Variants in GLO1 observed in about 807,000 individuals in gnomAD.
The protein encoded by GLO1 is lactoylglutathione lyase.
A neutral mutation model predicts 26.0 loss-of-function variants in GLO1; 28 were observed. The ratio of observed to expected loss-of-function variants is 1.08; its 90% confidence interval spans 0.80 to 1.48. GLO1 has a LOEUF of 1.48. Among genes scored for constraint, GLO1 ranks in the 40% most tolerant of loss-of-function variants. GLO1 has a pLI of 0.00. For missense variants in GLO1, 225 were observed against 224.8 expected, an observed-to-expected ratio of 1.00 and a Z score of -0.01; for synonymous variants, 78 against 77.6, an observed-to-expected ratio of 1.00 and a Z score of -0.03.
At position 38,677,194 on chromosome 6, in the gene GLO1, C is replaced by A; in HGVS notation, c.*101G>T. 1 of 733,652 alleles carries A rather than the reference C, an allele frequency of 1.4e-6. No individual in the cohort carries two copies. The highest frequency in any genetic ancestry group is 1.5e-5 in the South Asian group (1 of 66,100). The allele number at this position is 733,652 out of a possible 1,614,324, so 45.4% of individuals were successfully genotyped here. On this transcript the variant is annotated 3_prime_UTR_variant, in exon 6 of 6. Transcript: ENST00000373365. The stretch of plus-strand genomic sequence containing the variant: ...AAATGGACTGAAGAATAATTTGAAT[C>A]GGGACAGTGATCCATCAGTCCTAGA...
intron 1 of GLO1, among the ~76,000 whole-genome samples, chr6:38,695,961 G>A (rs533703151): frequency 1.3e-5 from 2 of 152,118 alleles, no homozygotes; most frequent in Non-Finnish European, 2.9e-5. Context: ...GTTGTTCCTA[G>A]GGTCTCAAGG....
chr6:38,684,626 G>GT (rs1761436646), intron 2 of GLO1, 112 bp from the exon 3 acceptor site: 1 of 548,960 alleles, frequency 1.8e-6, no homozygotes, highest in African/African-American at 1.9e-5. Flanking sequence ...GCTATATGTA[G>GT]TAAGCCTATT....
At chr6:38,692,176 A>C (rs1354640658) in intron 1 of GLO1, among the ~76,000 whole-genome samples, 1 of 152,178 alleles carries the variant, frequency 6.6e-6, no homozygotes, top group Non-Finnish European at 1.5e-5. Flanking sequence ...CCAATCATGA[A>C]CACAATAAAT....
chr6:38,678,502 G>A (rs1761312099), intron 5 of GLO1, among the ~76,000 whole-genome samples: 2 of 152,194 alleles, frequency 1.3e-5, no homozygotes, highest in Admixed American at 6.5e-5. Context: ...CCGGGTGACT[G>A]TTTTAACTTG....
In GLO1 at chr6:38,677,339, A is replaced by G; in HGVS notation, c.511T>C (p.Trp171Arg). The change falls in exon 6 of 6, where the codon TGG becomes CGG. Residue 171 changes from tryptophan (W) to arginine (R), a missense_variant. Transcript: ENST00000373365. ...LAFIQDPDGY[W>R]IEILNPNKMA... is the part of the protein sequence containing the mutation. ...TTGTTAGGATTCAAAATTTCAATCC[A>G]GTAGCCATCAGGATCTTGAATAAAT... is the stretch of plus-strand genomic sequence containing the variant. 1.8e-5 allele frequency: 28 copies of G among 1,570,096 alleles called. No individual in the cohort carries two copies. The highest frequency in any genetic ancestry group is 2.3e-5 in the Non-Finnish European group (26 of 1,139,876).
intron 1 of GLO1, among the ~76,000 whole-genome samples, chr6:38,691,069 G>C (rs1761522152): frequency 6.6e-6 from 1 of 152,120 alleles, no homozygotes; most frequent in African/African-American, 2.4e-5. Flanking sequence ...CTATGCTCAT[G>C]TCTTGTCTCA....
At chr6:38,683,915 T>C (rs1280943874) in intron 3 of GLO1, among the ~76,000 whole-genome samples, 1 of 149,488 alleles carries the variant, frequency 6.7e-6, no homozygotes, top group East Asian at 2.0e-4. Flanking sequence ...TAAATAAAAA[T>C]AAAAGACAAA....
intron 1 of GLO1, among the ~76,000 whole-genome samples, chr6:38,689,262 T>C (rs757823069): frequency 6.6e-6 from 1 of 152,266 alleles, no homozygotes; most frequent in Non-Finnish European, 1.5e-5. Context: ...GTCGGACCTC[T>C]AGCCTATGGA....
rs149705108 is a variant in GLO1, at chr6:38,675,938, CAT to C, written c.*1355_*1356del. The C allele has an allele frequency of 2.8e-5, 4 of 144,250 alleles. No individual in the cohort carries two copies. The East Asian group carries it at 9.2e-4, about 33-fold the overall frequency. 8.9% of individuals were successfully genotyped at this position (144,250 alleles called of 1,614,324 possible). A position where few individuals can be genotyped will look rare whatever the true frequency, so the allele number is the denominator to read the frequency against. On this transcript the variant is annotated 3_prime_UTR_variant, in exon 6 of 6. Transcript: ENST00000373365. ...GATGGACAAAGGTTTACAAATTAAACATAGTCTTATTTGAAGTTTCATTTTAT... is the reference window on the plus strand; with the variant it reads ...GATGGACAAAGGTTTACAAATTAAACAGTCTTATTTGAAGTTTCATTTTAT...
intron 4 of GLO1, among the ~76,000 whole-genome samples, chr6:38,682,555 G>A (rs1761397489): frequency 6.6e-6 from 1 of 151,468 alleles, no homozygotes; most frequent in Admixed American, 6.6e-5. Flanking sequence ...AAAAAAAAAA[G>A]TCTACTGGAA....
intron 5 of GLO1, among the ~76,000 whole-genome samples, chr6:38,678,340 AAG>A (rs1184140342): frequency 3.9e-4 from 53 of 137,552 alleles, no homozygotes; most frequent in African/African-American, 1.3e-3. Flanking sequence ...GAGAAAGAGA[AAG>A]AGAGAAAGAG....
intron 1 of GLO1, among the ~76,000 whole-genome samples, chr6:38,694,839 T>C (rs1009019746): frequency 2.6e-5 from 4 of 152,258 alleles, no homozygotes; most frequent in Admixed American, 1.3e-4. Context: ...ACAACTCTTT[T>C]ATCACTGTAT....
At chr6:38,689,783 TA>T (rs1188162004) in intron 1 of GLO1, among the ~76,000 whole-genome samples, 10 of 151,746 alleles carry the variant, frequency 6.6e-5, no homozygotes, top group African/African-American at 2.4e-4. Context: ...CCGTCTCTAC[TA>T]AAAATACAAA....
chr6:38,678,196 G>A (rs1761295988), intron 5 of GLO1, among the ~76,000 whole-genome samples: 1 of 152,008 alleles, frequency 6.6e-6, no homozygotes, highest in Non-Finnish European at 1.5e-5. Flanking sequence ...GGAAAAATAT[G>A]ACCTCAGAAA....
chr6:38,678,395 GAAGGA>G lies in GLO1; in HGVS notation c.467-1017_467-1013del, dbSNP rs1230962654. Among the ~76,000 whole-genome samples the G allele has an allele frequency of 6.8e-4, 83 of 122,594 alleles. 2 individuals carry two copies. Among genetic ancestry groups the G allele is most frequent in the Non-Finnish European group, 8.6e-4 (46 of 53,800 alleles). 80.4% of individuals were successfully genotyped at this position (122,594 alleles called of 152,430 possible). ...GAGGGAGAGAGAGGAAGGAAGGAAG[GAAGGA>G]AAAGAAAAGGAAAAGAAAAGAAAAG... On this transcript the variant is annotated intron_variant, in intron 5 of 5. Transcript: ENST00000373365.
intron 1 of GLO1, among the ~76,000 whole-genome samples, chr6:38,699,826 G>C (rs925927608): frequency 3.3e-5 from 5 of 152,038 alleles, no homozygotes; most frequent in African/African-American, 9.7e-5. Context: ...AAGACAATAC[G>C]TGCACTGCTG....
chr6:38,682,346 T>C (rs1215746913), intron 4 of GLO1, among the ~76,000 whole-genome samples: 1 of 152,202 alleles, frequency 6.6e-6, no homozygotes, highest in Non-Finnish European at 1.5e-5. Flanking sequence ...TATCAGCTCA[T>C]ATACAGTCTA....
intron 1 of GLO1, among the ~76,000 whole-genome samples, chr6:38,701,912 C>T (rs1433493869): frequency 6.6e-6 from 1 of 150,984 alleles, no homozygotes; most frequent in African/African-American, 2.4e-5. Flanking sequence ...GAATAAACAG[C>T]GGTTACTGTG....
intron 5 of GLO1, among the ~76,000 whole-genome samples, chr6:38,680,267 A>T (rs780727676): frequency 7.2e-5 from 11 of 152,208 alleles, no homozygotes; most frequent in Non-Finnish European, 1.5e-4. Flanking sequence ...CATAGCTGTA[A>T]TCCCAGCACT....
Sources: gnomAD v4.1 joint callset for allele counts (sites outside exome capture counted in the v4.1 genomes callset) on GRCh38, gnomAD v4.1.1 for gene constraint, MANE v1.5 for transcripts, NCBI Gene and HGNC (gene_info 2026-07-23, HGNC 2026-07-21) for gene names.